Variants in PRRC2A observed in about 807,000 individuals in gnomAD.
PRRC2A encodes the protein protein PRRC2A.
A neutral mutation model predicts 224.6 loss-of-function variants in PRRC2A; 59 were observed. The ratio of observed to expected loss-of-function variants is 0.26; its 90% CI spans 0.21 to 0.33. The LOEUF (loss-of-function observed/expected upper bound fraction) is 0.33, where lower values mean the gene tolerates loss of function less well. Ranked by LOEUF, PRRC2A falls within the 10% of genes least tolerant of loss-of-function variation. The pLI, the probability that PRRC2A is intolerant of heterozygous loss-of-function variation, is 1.00. For missense variants in PRRC2A, 3,095 were observed against 2,880.7 expected (o/e 1.07, Z -1.70); for synonymous variants, 1,194 against 1,109.5 (o/e 1.08, Z -1.51).
chr6:31,622,991 A>G, intron 2 of PRRC2A, 90 bp downstream of exon 2: 1 of 1,110,884 alleles, frequency 9.0e-7, no homozygotes, highest in Non-Finnish European at 1.4e-6. Flanking sequence ...AAGTGGCTGT[A>G]GTAGAAATAC....
rs780666210 is a variant in PRRC2A at position 31,632,004 on chromosome 6, G to A, written c.3331G>A (p.Glu1111Lys). Residue 1111 changes from glutamate to lysine, a missense_variant, in exon 16 of 31, where the codon GAG (glutamate) becomes AAG (lysine). Transcript: ENST00000376033. ...GCAGCGGGGCTCAGAAACAGGCAGC[G>A]AGACCCATGAGAGTGATCTGGCTCC... ...RRQRGSETGS[E>K]THESDLAPSD... 12 of 1,610,438 alleles carry A rather than the reference G, an allele frequency of 7.5e-6. No homozygotes were observed. The highest frequency in any genetic ancestry group is 1.7e-5 in the Admixed American group (1 of 59,820).
chr6:31,629,859 G>A lies in PRRC2A; in HGVS notation c.2254+14G>A, dbSNP rs770292368. The A allele has an allele frequency of 1.7e-5, 28 of 1,612,714 alleles. No individual in the cohort carries two copies. The highest frequency in any genetic ancestry group is 2.3e-5 in the Non-Finnish European group (27 of 1,179,564). ...TGCATCCCTCTGGTAAGGGGGCATG[G>A]GAGGAGTGAGAAACAGGAAAGTCCC... is the stretch of plus-strand genomic sequence containing the variant. On this transcript the variant is annotated intron_variant, in intron 14 of 30. Coordinates refer to ENST00000376033, the MANE Select transcript of PRRC2A (RefSeq NM_004638.4).
In PRRC2A at chr6:31,636,415, T is replaced by C; in HGVS notation, c.5831T>C (p.Leu1944Pro). Residue 1944 changes from leucine (L) to proline (P), a missense_variant, in exon 26 of 31, where the codon CTT becomes CCT. Transcript: ENST00000376033. This position sits in a 1 kb window ranked among gnomAD's most constrained non-coding sequence, Gnocchi z 4.3. The part of the protein sequence containing the change: ...CPSPLPDTSL[L>P]QVRQDLPSPS... ...AGTCCTTTGCCTGACACATCGTTGCTTCAGGTAAGAGGGGGGCAGGTATTA... is the reference window on the plus strand; with the variant it reads ...AGTCCTTTGCCTGACACATCGTTGCCTCAGGTAAGAGGGGGGCAGGTATTA... The C allele has an allele frequency of 6.2e-7, 1 of 1,612,880 alleles. No homozygotes were observed. The highest frequency in any genetic ancestry group is 1.3e-5 in the African/African-American group (1 of 74,990).
rs1776580918 is a variant in PRRC2A, at chr6:31,631,539, C to T, written c.2866C>T (p.Pro956Ser). The change falls in exon 16 of 31, where the codon CCA becomes TCA. Residue 956 changes from proline (P) to serine (S), a missense_variant. Physicochemically the swap from Pro to Ser is moderately conservative, Grantham distance 74. Around this residue, in one of 8 missense-constraint regions of PRRC2A, gnomAD observed 2,001 missense variants for 1,764.9 expected, o/e 1.13. Transcript: ENST00000376033. The surrounding 1 kb of genome is among the most constrained non-coding windows in gnomAD (Gnocchi z 4.5). ...CCGGGCTGGGCCTATAAAGAAACCT[C>T]CACCACCTACAAAAGTAGAAGAGCT... is the stretch of plus-strand genomic sequence containing the variant. ...PRRAGPIKKPPPPTKVEELPP... is the reference protein window; with the variant it reads ...PRRAGPIKKPSPPTKVEELPP... 2 of 1,593,892 alleles carry T rather than the reference C, an allele frequency of 1.3e-6. No individual in the cohort carries two copies. The highest frequency in any genetic ancestry group is 2.7e-5 in the African/African-American group (2 of 73,394).
Position 31,635,564 on chromosome 6 carries a change from G to A in PRRC2A, c.5374-18G>A, listed in dbSNP as rs748382851. 2.5e-6 allele frequency: 4 copies of A among 1,610,824 alleles called. No individual in the cohort carries two copies. The highest frequency in any genetic ancestry group is 3.3e-5 in the Admixed American group (2 of 59,918). Reference sequence around the variant, plus strand: ...CAGGATGCCAGACATCCCTCTCCACGAGGCCTCTCCTTCCCAGGCCATTCC... The same window carrying A: ...CAGGATGCCAGACATCCCTCTCCACAAGGCCTCTCCTTCCCAGGCCATTCC... On this transcript the variant is annotated intron_variant, in intron 23 of 30. Coordinates refer to ENST00000376033, the MANE Select transcript of PRRC2A (RefSeq NM_004638.4).
chr6:31,628,318 G>C (rs1057069185), intron 12 of PRRC2A, 79 bp downstream of exon 12: 1 of 1,491,678 alleles, frequency 6.7e-7, no homozygotes, highest in Non-Finnish European at 8.9e-7. Flanking sequence ...GGTAAGGCTG[G>C]GGATAAATGA....
In PRRC2A at chr6:31,634,266, T is replaced by C. The variant is rs1369731904; in HGVS notation, c.4750T>C (p.Phe1584Leu). Residue 1584 changes from phenylalanine to leucine, a missense_variant, in exon 19 of 31, where the codon TTC becomes CTC. Transcript: ENST00000376033. ...TTTGCCACCTCCTCATAGCTCTGGA[T>C]TCTTGGGCTCTAAGCCTGAGGGCCC... is the stretch of plus-strand genomic sequence containing the variant. ...ESLPPPHSSG[F>L]LGSKPEGPGP... The C allele has an allele frequency of 5.0e-6, 8 of 1,596,066 alleles. No homozygotes were observed. The highest frequency in any genetic ancestry group is 6.0e-6 in the Non-Finnish European group (7 of 1,175,832).
At position 31,629,208 on chromosome 6, in the gene PRRC2A, A is replaced by G. The variant is rs201100664; in HGVS notation, c.1830A>G (p.Thr610=). ...CAGAAGAGGTTCCTCCTCCTACCACACCCCCAGTTCCAAAGGTGGAACCCA... is the reference window on the plus strand; with the variant it reads ...CAGAAGAGGTTCCTCCTCCTACCACGCCCCCAGTTCCAAAGGTGGAACCCA... ...EPPEEVPPPT[T]PPVPKVEPKG... The change falls in exon 13 of 31, where the codon ACA becomes ACG. Residue 610 remains threonine (T), a synonymous_variant. Transcript: ENST00000376033. 78 of 1,613,730 alleles carry G rather than the reference A, an allele frequency of 4.8e-5. No individual in the cohort carries two copies. The highest frequency in any genetic ancestry group is 1.5e-4 in the Admixed American group (9 of 59,974).
At position 31,631,187 on chromosome 6, in the gene PRRC2A, T is replaced by C. The variant is rs1257668439; in HGVS notation, c.2514T>C (p.Tyr838=). ...VPPPPPYLAS[Y]PGFPENGAPG... is the part of the protein sequence containing the mutation. ...CCCCACCACCCTATCTGGCCAGTTATCCAGGCTTTCCTGAGAATGGAGCCC... is the reference window on the plus strand; with the variant it reads ...CCCCACCACCCTATCTGGCCAGTTACCCAGGCTTTCCTGAGAATGGAGCCC... Residue 838 remains tyrosine (Y), a synonymous_variant, in exon 16 of 31, where the codon TAT becomes TAC. Coordinates refer to ENST00000376033, the MANE Select transcript of PRRC2A (RefSeq NM_004638.4). This position sits in a 1 kb window ranked among gnomAD's most constrained non-coding sequence, Gnocchi z 4.5. 4 of 1,583,400 alleles carry C rather than the reference T, an allele frequency of 2.5e-6. No homozygotes were observed. Among genetic ancestry groups the C allele is most frequent in the Non-Finnish European group, 3.4e-6 (4 of 1,165,536 alleles).
chr6:31,624,151 A>G (rs2260050), intron 3 of PRRC2A, 110 bp from the exon 4 acceptor site: 427,516 of 1,199,434 alleles, frequency 0.36, 81,922 homozygotes, highest in East Asian at 0.56. Flanking sequence ...ATTTGTCCTT[A>G]TATTTGTAAA....
intron 9 of PRRC2A, among the ~76,000 whole-genome samples, chr6:31,626,430 A>G (rs978079597): frequency 6.6e-6 from 1 of 151,908 alleles, no homozygotes; most frequent in East Asian, 1.9e-4. Flanking sequence ...TGGACTGTGC[A>G]TCTGTGGTCC....
At chr6:31,629,051 A>T in intron 12 of PRRC2A, 93 bp from the exon 13 acceptor site, 1 of 1,291,216 alleles carries the variant, frequency 7.7e-7, no homozygotes, top group Non-Finnish European at 1.1e-6. Flanking sequence ...TTTTAGTCTT[A>T]AGGGAGCTAG....
At position 31,633,425 on chromosome 6, in the gene PRRC2A, C is replaced by T. The variant is rs1776919504; in HGVS notation, c.4366C>T (p.Pro1456Ser). 1 of 1,612,938 alleles carries T rather than the reference C, an allele frequency of 6.2e-7. No homozygotes were observed. Among genetic ancestry groups the T allele is most frequent in the African/African-American group, 1.3e-5 (1 of 74,928 alleles). ...CCCGGGGCTTCCCCTGCCTCCCCCA[C>T]CTCCCAGCAGTTCTGCTGTCTTCCG... ...RPPGLPLPPPPPSSSAVFRLD... is the reference protein window; with the variant it reads ...RPPGLPLPPPSPSSSAVFRLD... Residue 1456 changes from proline to serine, a missense_variant, in exon 17 of 31, where the codon CCT (proline) becomes TCT (serine). This residue lies in a region of PRRC2A where 2,001 missense variants were observed against 1,764.9 expected (regional missense o/e 1.13). Transcript: ENST00000376033.
At position 31,629,182 on chromosome 6, in the gene PRRC2A, C is replaced by T; in HGVS notation, c.1804C>T (p.Pro602Ser). 6.2e-7 allele frequency: 1 copy of T among 1,614,094 alleles called. No homozygotes were observed. Among genetic ancestry groups the T allele is most frequent in the Non-Finnish European group, 8.5e-7 (1 of 1,180,020 alleles). Reference protein sequence around the residue: ...QLPSKEGPEPPEEVPPPTTPP... With the variant: ...QLPSKEGPEPSEEVPPPTTPP... ...GCCCTCAAAAGAGGGTCCTGAACCA[C>T]CAGAAGAGGTTCCTCCTCCTACCAC... The change falls in exon 13 of 31, where the codon CCA becomes TCA. Residue 602 changes from proline (P) to serine (S), a missense_variant. Physicochemically the swap from Pro to Ser is moderately conservative, Grantham distance 74 (BLOSUM62 -1). Around this residue, in one of 8 missense-constraint regions of PRRC2A, gnomAD observed 2,001 missense variants for 1,764.9 expected, o/e 1.13. Transcript: ENST00000376033.
At position 31,632,501 on chromosome 6, in the gene PRRC2A, C is replaced by T. The variant is rs1237832775; in HGVS notation, c.3828C>T (p.Ser1276=). The T allele has an allele frequency of 3.0e-5, 49 of 1,608,540 alleles. No homozygotes were observed. The highest frequency in any genetic ancestry group is 4.1e-5 in the Non-Finnish European group (48 of 1,177,202). Residue 1276 remains serine (S), a synonymous_variant, in exon 16 of 31, where the codon TCC becomes TCT. Transcript: ENST00000376033. ...NAARGSEGKP[S]LTLPASAPGP... ...CAAGGGGGTCTGAGGGCAAGCCCTC[C>T]CTAACCCTTCCAGCCTCCGCTCCTG...
intron 1 of PRRC2A, among the ~76,000 whole-genome samples, chr6:31,622,325 A>C (rs1430044940): frequency 6.6e-6 from 1 of 152,126 alleles, no homozygotes. Context: ...TCTCTGATGG[A>C]ATTGTATGCT....
chr6:31,626,795 A>G lies in PRRC2A; in HGVS notation c.1006A>G (p.Thr336Ala), dbSNP rs1405485421. The change falls in exon 10 of 31, where the codon ACT (threonine) becomes GCT (alanine). Residue 336 changes from threonine to alanine, a missense_variant. This residue lies in a region of PRRC2A where 11 missense variants were observed against 30.0 expected (regional missense o/e 0.37). Transcript: ENST00000376033. ...AGGGGCCCATGAAGAGGTTGACTAC[A>G]CTGAAAAGCTCAAGTTCAGCGATGA... Reference protein sequence around the residue: ...WAGAHEEVDYTEKLKFSDEED... With the variant: ...WAGAHEEVDYAEKLKFSDEED... 1.3e-6 allele frequency: 2 copies of G among 1,588,490 alleles called. No individual in the cohort carries two copies. The highest frequency in any genetic ancestry group is 1.1e-5 in the South Asian group (1 of 87,730).
intron 9 of PRRC2A, among the ~76,000 whole-genome samples, chr6:31,626,523 C>T (rs1007051099): frequency 2.6e-5 from 4 of 151,282 alleles, no homozygotes; most frequent in African/African-American, 4.9e-5. Flanking sequence ...TGCCACTGAA[C>T]TCCATCCTGG....
At position 31,632,541 on chromosome 6, in the gene PRRC2A, C is replaced by G. The variant is rs1221122390; in HGVS notation, c.3868C>G (p.Leu1290Val). The change falls in exon 16 of 31, where the codon CTC (leucine) becomes GTC (valine). Residue 1290 changes from leucine (L) to valine (V), a missense_variant. By Grantham distance (32) the Leu-to-Val change is conservative. This residue lies in a region of PRRC2A where 2,001 missense variants were observed against 1,764.9 expected (regional missense o/e 1.13). Transcript: ENST00000376033. ...CTCCGCTCCTGGACCTGAGGAGGCC[C>G]TCACAACAGTCACAGTGGCCCCAGC... is the stretch of plus-strand genomic sequence containing the variant. ...PASAPGPEEA[L>V]TTVTVAPAPR... The G allele has an allele frequency of 1.9e-6, 3 of 1,611,220 alleles. No individual in the cohort carries two copies. Among genetic ancestry groups the G allele is most frequent in the South Asian group, 2.2e-5 (2 of 90,922 alleles).
Sources: allele counts gnomAD v4.1 joint callset (sites outside exome capture counted in the v4.1 genomes callset), GRCh38; gene constraint gnomAD v4.1.1; regional missense constraint gnomAD v4.1.1; non-coding constraint Gnocchi (gnomAD v3.1); transcripts MANE v1.5; gene names NCBI Gene and HGNC (gene_info 2026-07-23, HGNC 2026-07-21).